The following ADGRB3 variants were observed in gnomAD, a reference collection of about 807,000 sequenced individuals.
ADGRB3 encodes adhesion G protein-coupled receptor B3.
A neutral mutation model predicts 193.4 loss-of-function variants in ADGRB3; 37 were observed. The observed-to-expected ratio is 0.19, with a 90% confidence interval of 0.15 to 0.25. ADGRB3 has a LOEUF of 0.25. ADGRB3 is among the 10% of genes least tolerant of loss of function. ADGRB3 has a pLI of 1.00. For missense variants in ADGRB3, 1,637 were observed against 1,852.9 expected (o/e 0.88, Z 2.14); for synonymous variants, 690 against 644.2 (o/e 1.07, Z -1.08).
chr6:69,171,425 G>T (rs1644897205), intron 17 of ADGRB3, among the ~76,000 whole-genome samples: 1 of 152,166 alleles, frequency 6.6e-6, no homozygotes, highest in South Asian at 2.1e-4. Context: ...CCATACCCTT[G>T]TTCTTGGTAG....
At chr6:69,374,255 G>A (rs1398882833) in intron 30 of ADGRB3, among the ~76,000 whole-genome samples, 1 of 152,044 alleles carries the variant, frequency 6.6e-6, no homozygotes, top group Non-Finnish European at 1.5e-5. Context: ...ATATTTCGTG[G>A]ATTGAGTTTA....
chr6:69,261,054 TCCA>T (rs1393867477), intron 20 of ADGRB3, among the ~76,000 whole-genome samples: 1 of 152,170 alleles, frequency 6.6e-6, no homozygotes, highest in Admixed American at 6.6e-5. Flanking sequence ...TATCATCACC[TCCA>T]CATTTTTTTA....
chr6:68,703,831 C>G (rs1349263073), intron 3 of ADGRB3, among the ~76,000 whole-genome samples: 2 of 152,218 alleles, frequency 1.3e-5, no homozygotes, highest in Non-Finnish European at 2.9e-5. Context: ...TCGTGTTGGT[C>G]AGGATAGTCT....
intron 17 of ADGRB3, among the ~76,000 whole-genome samples, chr6:69,223,292 T>C (rs1765938386): frequency 6.6e-6 from 1 of 152,174 alleles, no homozygotes; most frequent in Admixed American, 6.5e-5. Flanking sequence ...TTTTTGAAAC[T>C]AAAGACTCTG....
intron 3 of ADGRB3, among the ~76,000 whole-genome samples, chr6:68,801,483 T>A (rs192375192): frequency 2.0e-5 from 3 of 151,646 alleles, no homozygotes; most frequent in Non-Finnish European, 4.4e-5. Context: ...AGGTCAGGAG[T>A]TTCAGACCAG....
intron 3 of ADGRB3, among the ~76,000 whole-genome samples, chr6:68,825,592 C>G (rs1767827807): frequency 1.3e-5 from 2 of 152,120 alleles, no homozygotes; most frequent in Admixed American, 6.5e-5. Flanking sequence ...GAATTGTAAT[C>G]CCTATAATCC....
At chr6:69,008,863 A>G (rs1159673235) in intron 11 of ADGRB3, among the ~76,000 whole-genome samples, 1 of 152,074 alleles carries the variant, frequency 6.6e-6, no homozygotes, top group Non-Finnish European at 1.5e-5. Flanking sequence ...TCGATCCCAT[A>G]TTTACTCAAG....
At chr6:69,273,426 A>G (rs895552767) in intron 20 of ADGRB3, among the ~76,000 whole-genome samples, 3 of 152,198 alleles carry the variant, frequency 2.0e-5, no homozygotes, top group South Asian at 4.2e-4. Flanking sequence ...TAGTAAATGG[A>G]AAATCTGGCT....
intron 13 of ADGRB3, among the ~76,000 whole-genome samples, chr6:69,032,706 A>G (rs921135897): frequency 6.6e-6 from 1 of 152,176 alleles, no homozygotes; most frequent in Non-Finnish European, 1.5e-5. Flanking sequence ...ATAAGTATTC[A>G]TGTGAATTTG....
intron 17 of ADGRB3, among the ~76,000 whole-genome samples, chr6:69,222,600 T>A (rs1187681926): frequency 6.6e-6 from 1 of 152,120 alleles, no homozygotes; most frequent in Non-Finnish European, 1.5e-5. Flanking sequence ...GGTAGAAAAA[T>A]GGCAAGCTTT....
intron 3 of ADGRB3, among the ~76,000 whole-genome samples, chr6:68,910,952 C>G (rs1432325416): frequency 1.3e-5 from 2 of 152,036 alleles, no homozygotes; most frequent in Non-Finnish European, 2.9e-5. Context: ...GAAAGTCATT[C>G]ATAGCTTGAT....
chr6:68,886,545 A>G (rs909405124), intron 3 of ADGRB3, among the ~76,000 whole-genome samples: 3 of 152,104 alleles, frequency 2.0e-5, no homozygotes, highest in Non-Finnish European at 2.9e-5. Context: ...TTCCCAAACA[A>G]TGAAGTATAA....
chr6:68,800,636 T>C (rs1220326882), intron 3 of ADGRB3, among the ~76,000 whole-genome samples: 1 of 152,100 alleles, frequency 6.6e-6, no homozygotes, highest in Non-Finnish European at 1.5e-5. Flanking sequence ...TTCAGTGACA[T>C]AAATGGTAAT....
At chr6:69,221,346 T>A (rs937490820) in intron 17 of ADGRB3, among the ~76,000 whole-genome samples, 3 of 152,162 alleles carry the variant, frequency 2.0e-5, no homozygotes, top group African/African-American at 7.2e-5. Context: ...TTCCTCTTTG[T>A]TTTCCTTTCA....
intron 15 of ADGRB3, among the ~76,000 whole-genome samples, chr6:69,053,015 G>A (rs1012626142): frequency 5.9e-5 from 9 of 152,112 alleles, no homozygotes; most frequent in East Asian, 1.9e-4. Flanking sequence ...GTGAAACCCC[G>A]TCTTTACTAA....
intron 16 of ADGRB3, among the ~76,000 whole-genome samples, chr6:69,071,109 T>C (rs1772066585): frequency 2.0e-5 from 3 of 152,270 alleles, no homozygotes; most frequent in East Asian, 3.9e-4. Flanking sequence ...TGGAATGTAA[T>C]AGATGTTTAG....
At chr6:69,339,083 G>T in intron 25 of ADGRB3, 69 bp downstream of exon 25, 1 of 1,529,442 alleles carries the variant, frequency 6.5e-7, no homozygotes. Context: ...ATGCTATGAT[G>T]AAAAAAAATT....
chr6:68,672,356 C>T (rs559148547), intron 3 of ADGRB3, among the ~76,000 whole-genome samples: 21 of 151,294 alleles, frequency 1.4e-4, no homozygotes, highest in Admixed American at 6.6e-4. Context: ...CATCACTAAC[C>T]GGTTTATTTG....
At chr6:69,217,713 C>G (rs1225844571) in intron 17 of ADGRB3, among the ~76,000 whole-genome samples, 1 of 152,120 alleles carries the variant, frequency 6.6e-6, no homozygotes, top group Non-Finnish European at 1.5e-5. Flanking sequence ...ATGTTCTCTC[C>G]TTTGTGCTAT....
Sources: allele counts gnomAD v4.1 joint callset (sites outside exome capture counted in the v4.1 genomes callset), GRCh38; gene constraint gnomAD v4.1.1; transcripts MANE v1.5; gene names NCBI Gene and HGNC (gene_info 2026-07-23, HGNC 2026-07-21).